RBFOX1: variants seen among roughly 807,000 people sequenced by gnomAD.
RBFOX1 encodes the protein RNA binding fox-1 homolog 1.
Under a neutral mutation model 57.7 loss-of-function variants are expected in RBFOX1, and 8 were observed. The observed-to-expected ratio is 0.14, with a 90% CI of 0.08 to 0.25. The LOEUF is 0.25. Among genes scored for constraint, RBFOX1 ranks in the 10% least tolerant of loss-of-function variants. The pLI, the probability that RBFOX1 is intolerant of heterozygous loss-of-function variation, is 1.00. For synonymous variants in RBFOX1, 326 were observed against 222.4 expected (o/e 1.47, Z -4.15); for missense variants, 611 against 548.5 (o/e 1.11, Z -1.14).
chr16:6,276,165 A>G (rs1256537812), intron 1 of RBFOX1, among the ~76,000 whole-genome samples: 1 of 152,200 alleles, frequency 6.6e-6, no homozygotes, highest in African/African-American at 2.4e-5. Context: ...AAAAACATAG[A>G]TAAACGGATG....
intron 1 of RBFOX1, among the ~76,000 whole-genome samples, chr16:5,432,236 A>C (rs118061662): frequency 0.012 from 1,837 of 152,322 alleles, 15 homozygotes; most frequent in Non-Finnish European, 0.019. Flanking sequence ...GGACAGAATC[A>C]AATCGGCCTG....
chr16:7,011,382 A>G (rs891324256), intron 3 of RBFOX1, among the ~76,000 whole-genome samples: 4 of 152,198 alleles, frequency 2.6e-5, no homozygotes, highest in Non-Finnish European at 4.4e-5. Context: ...AGTGTGGCAG[A>G]TGGGGATTGA....
At chr16:6,883,078 C>A (rs2063289490) in intron 3 of RBFOX1, among the ~76,000 whole-genome samples, 1 of 152,060 alleles carries the variant, frequency 6.6e-6, no homozygotes, top group Non-Finnish European at 1.5e-5. Flanking sequence ...CTTCTCAAAC[C>A]ATTATTAATG....
chr16:6,267,408 C>A (rs1206759875), intron 1 of RBFOX1, among the ~76,000 whole-genome samples: 1 of 152,116 alleles, frequency 6.6e-6, no homozygotes, highest in Non-Finnish European at 1.5e-5. Flanking sequence ...TCTTCTGTTC[C>A]TTATAGGACT....
chr16:6,771,359 T>A (rs972243355), intron 3 of RBFOX1, among the ~76,000 whole-genome samples: 3 of 152,180 alleles, frequency 2.0e-5, no homozygotes, highest in Non-Finnish European at 2.9e-5. Flanking sequence ...TTCTTAGATA[T>A]GATGCAGATA....
intron 2 of RBFOX1, among the ~76,000 whole-genome samples, chr16:6,565,556 T>A (rs1600048989): frequency 1.3e-5 from 2 of 151,476 alleles, no homozygotes; most frequent in East Asian, 3.9e-4. Context: ...TGCGCCCAGC[T>A]CCCAGATTCA....
intron 5 of RBFOX1, among the ~76,000 whole-genome samples, chr16:7,520,787 AGTAGTAATGCCTGGATAGGTT>A (rs2077362312): frequency 6.6e-6 from 1 of 152,254 alleles, no homozygotes; most frequent in Non-Finnish European, 1.5e-5. Flanking sequence ...GACAATTAAT[AGTAGTAATGCCTGGATAGGTT>A]ATTTTCAGAT....
intron 2 of RBFOX1, among the ~76,000 whole-genome samples, chr16:6,625,113 C>G (rs946048569): frequency 6.8e-5 from 8 of 117,730 alleles, no homozygotes; most frequent in South Asian, 2.9e-4. Context: ...TGCAGTGAGT[C>G]AAGATCGTGC....
intron 4 of RBFOX1, among the ~76,000 whole-genome samples, chr16:7,395,952 T>G (rs984077558): frequency 6.6e-6 from 1 of 152,070 alleles, no homozygotes; most frequent in Non-Finnish European, 1.5e-5. Context: ...CACACCTAAA[T>G]TAAGATAATT....
chr16:5,568,117 A>G (rs1251619259), intron 2 of RBFOX1, among the ~76,000 whole-genome samples: 1 of 152,204 alleles, frequency 6.6e-6, no homozygotes, highest in African/African-American at 2.4e-5. Flanking sequence ...ACTCACTGCT[A>G]AACAATGAGA....
chr16:6,218,185 A>G (rs895451452), intron 1 of RBFOX1, among the ~76,000 whole-genome samples: 1 of 152,202 alleles, frequency 6.6e-6, no homozygotes, highest in Non-Finnish European at 1.5e-5. Flanking sequence ...GTAGAATAAT[A>G]TTAAAAATGC....
At position 7,232,795 on chromosome 16, in the gene RBFOX1, C is replaced by G. The variant is rs762125936; in HGVS notation, c.27+180697C>G. 6.7e-5 allele frequency among the ~76,000 whole-genome samples: 10 copies of G among 148,462 alleles called. No homozygotes were observed. The East Asian group carries it at 2.0e-3, about 30-fold the overall frequency. On this transcript the variant is annotated intron_variant, in intron 4 of 15. Transcript: ENST00000550418. ...GGGGGAGGTTGCCGTGAGCTGAGATCACGCCATTGGTCATTACACTCCAGC... is the reference window on the plus strand; with the variant it reads ...GGGGGAGGTTGCCGTGAGCTGAGATGACGCCATTGGTCATTACACTCCAGC...
chr16:6,081,971 A>ATGGT (rs1046947001), intron 1 of RBFOX1, among the ~76,000 whole-genome samples: 2 of 152,134 alleles, frequency 1.3e-5, no homozygotes, highest in African/African-American at 4.8e-5. Context: ...TTATAGTCAC[A>ATGGT]TGGTGTGTGG....
In RBFOX1 at chr16:5,292,196, A is replaced by G. The variant is rs140897010; in HGVS notation, c.219+52091A>G. ...TGTTTAGATGTGCGCCAGTGTTACT[A>G]TAATAGTTTGGTCTCAACCCATTTC... On this transcript the variant is annotated intron_variant, in intron 1 of 2. Coordinates refer to the RBFOX1 transcript ENST00000585867. 1.3e-3 allele frequency among the ~76,000 whole-genome samples: 186 copies of G among 148,208 alleles called. 4 individuals are homozygous for G. The East Asian group carries it at 0.032, about 25-fold the overall frequency.
At chr16:5,774,747 A>G (rs571545431) in intron 3 of RBFOX1, among the ~76,000 whole-genome samples, 2 of 152,238 alleles carry the variant, frequency 1.3e-5, no homozygotes, top group Admixed American at 6.5e-5. Context: ...CAGTGGCGCA[A>G]TCTTGGCTCA....
chr16:7,437,625 G>T (rs563667415), intron 4 of RBFOX1, among the ~76,000 whole-genome samples: 2 of 152,144 alleles, frequency 1.3e-5, no homozygotes, highest in African/African-American at 4.8e-5. Flanking sequence ...TAACATAAAG[G>T]CTGTAATTAG....
chr16:5,451,370 A>C (rs1280550905), intron 1 of RBFOX1, among the ~76,000 whole-genome samples: 1 of 152,200 alleles, frequency 6.6e-6, no homozygotes, highest in African/African-American at 2.4e-5. Context: ...AAAAATAATG[A>C]AACATCGATT....
chr16:5,548,243 G>A (rs909373412), intron 2 of RBFOX1, among the ~76,000 whole-genome samples: 1 of 144,298 alleles, frequency 6.9e-6, no homozygotes, highest in African/African-American at 2.6e-5. Context: ...AAGGAAGAAG[G>A]GAGGAAGAGT....
chr16:6,336,174 T>TTC (rs2083677206), intron 2 of RBFOX1, among the ~76,000 whole-genome samples: 1 of 28,566 alleles, frequency 3.5e-5, no homozygotes, highest in Non-Finnish European at 6.7e-5. Flanking sequence ...TATATATATA[T>TTC]ATATATATTT....
Sources: allele counts gnomAD v4.1 joint callset (sites outside exome capture counted in the v4.1 genomes callset), GRCh38; gene constraint gnomAD v4.1.1; transcripts MANE v1.5; gene names NCBI Gene and HGNC (gene_info 2026-07-23, HGNC 2026-07-21).